TMEM232: variants seen among roughly 807,000 people sequenced by gnomAD.
TMEM232 encodes the protein transmembrane protein 232.
In TMEM232, 80 loss-of-function variants were observed where a neutral mutation model predicts 78.8. The observed-to-expected ratio is 1.01, with a 90% CI of 0.85 to 1.22. The LOEUF is 1.22. Ranked by LOEUF, TMEM232 falls within the 50% of genes most tolerant of loss-of-function variation. The pLI, the probability that TMEM232 is intolerant of heterozygous loss-of-function variation, is 0.00. For missense variants in TMEM232, 881 were observed against 742.2 expected, an observed-to-expected ratio of 1.19 and a Z score of -2.17; for synonymous variants, 297 against 254.3, an observed-to-expected ratio of 1.17 and a Z score of -1.60.
In TMEM232 at chr5:110,641,041, TTTTA is replaced by T. The variant is rs775849365; in HGVS notation, c.238-49_238-46del. ...AAAAGACAAATCAAAATGTACATAT[TTTTA>T]TATATATATTTATTTTTAACTCTTA... On this transcript the variant is annotated intron_variant, in intron 3 of 13. Transcript: ENST00000455884. The T allele has an allele frequency of 4.6e-5, 55 of 1,190,304 alleles. No homozygotes were observed. The Middle Eastern group carries it at 3.0e-3, about 65-fold the overall frequency. 73.7% of individuals were successfully genotyped at this position (1,190,304 alleles called of 1,614,324 possible).
At chr5:110,597,241 C>A (rs1345626542) in intron 10 of TMEM232, among the ~76,000 whole-genome samples, 4 of 152,144 alleles carry the variant, frequency 2.6e-5, no homozygotes, top group African/African-American at 9.7e-5. Context: ...AGAGCCAAAT[C>A]ATGAGTGAAC....
chr5:110,664,154 T>TA (rs542634117), intron 2 of TMEM232, among the ~76,000 whole-genome samples: 3 of 151,874 alleles, frequency 2.0e-5, no homozygotes, highest in East Asian at 1.9e-4. Context: ...AATAAAAATA[T>TA]AAAAAAAGGA....
At chr5:110,617,148 T>C (rs1165856895) in intron 8 of TMEM232, among the ~76,000 whole-genome samples, 1 of 152,230 alleles carries the variant, frequency 6.6e-6, no homozygotes, top group Non-Finnish European at 1.5e-5. Context: ...CGAGGCATTA[T>C]GCTAAATGAA....
intron 12 of TMEM232, among the ~76,000 whole-genome samples, chr5:110,467,956 TACATGACATTCTTCC>T (rs1437742554): frequency 6.6e-6 from 1 of 152,136 alleles, no homozygotes; most frequent in Non-Finnish European, 1.5e-5. Context: ...GATTTACCTT[TACATGACATTCTTCC>T]TGTGTGCATA....
chr5:110,712,105 C>CAAA (rs61482697), intron 1 of TMEM232, among the ~76,000 whole-genome samples: 7 of 65,396 alleles, frequency 1.1e-4, no homozygotes, highest in Non-Finnish European at 1.4e-4. Flanking sequence ...GACTCAATCT[C>CAAA]AAAAAAAAAA....
At chr5:110,606,032 A>G (rs1781503365) in intron 9 of TMEM232, 132 bp downstream of exon 9, 2 of 805,940 alleles carry the variant, frequency 2.5e-6, no homozygotes, top group African/African-American at 1.8e-5. Flanking sequence ...ATTTGCTTTT[A>G]TATTTAATTA....
intron 10 of TMEM232, among the ~76,000 whole-genome samples, chr5:110,571,201 G>A (rs776421331): frequency 2.6e-5 from 4 of 152,022 alleles, no homozygotes; most frequent in African/African-American, 4.8e-5. Flanking sequence ...CTGGAGAAGA[G>A]AGAATATCTT....
intron 13 of TMEM232, among the ~76,000 whole-genome samples, chr5:110,422,830 T>C (rs1340034227): frequency 1.3e-5 from 2 of 152,120 alleles, no homozygotes; most frequent in Non-Finnish European, 2.9e-5. Context: ...TCAATTTGGG[T>C]AAATAATTGT....
At chr5:110,709,050 G>T (rs1030551355) in intron 1 of TMEM232, among the ~76,000 whole-genome samples, 1 of 152,070 alleles carries the variant, frequency 6.6e-6, no homozygotes, top group East Asian at 1.9e-4. Context: ...GATATTCCAC[G>T]TGAATGAAAA....
intron 8 of TMEM232, among the ~76,000 whole-genome samples, chr5:110,607,246 T>C (rs1371523106): frequency 6.6e-6 from 1 of 152,032 alleles, no homozygotes; most frequent in Non-Finnish European, 1.5e-5. Context: ...CCTTTTTTCA[T>C]ACTAGAAAAC....
At chr5:110,691,931 G>C (rs75830556) in intron 1 of TMEM232, among the ~76,000 whole-genome samples, 7,894 of 152,000 alleles carry the variant, frequency 0.052, 456 homozygotes, top group East Asian at 0.26. Context: ...TTTGTTTTTT[G>C]TTTTTTTGGG....
At position 110,657,724 on chromosome 5, in the gene TMEM232, A is replaced by C. The variant is rs148392202; in HGVS notation, c.125+9504T>G. Among the ~76,000 whole-genome samples, 313 of 152,294 alleles carry C rather than the reference A, an allele frequency of 2.1e-3. 1 individual carries two copies. The highest frequency in any genetic ancestry group is 7.1e-3 in the African/African-American group (296 of 41,572). ...TAAATAACAATGTATTGAATATTTC[A>C]AGATAGCCAGAAGAAGAGATTTTGA... On this transcript the variant is annotated intron_variant, in intron 2 of 13. Coordinates refer to ENST00000455884, the MANE Select transcript of TMEM232 (RefSeq NM_001039763.4).
At chr5:110,414,707 G>A (rs966660915), downstream of TMEM232, among the ~76,000 whole-genome samples, 4 of 152,078 alleles carry the variant, frequency 2.6e-5, no homozygotes, top group African/African-American at 9.7e-5. Context: ...TAGCTGTTTT[G>A]GTTTTTATAT....
At position 110,514,907 on chromosome 5, in the gene TMEM232, T is replaced by C. The variant is rs963600648; in HGVS notation, c.1703+13681A>G. On this transcript the variant is annotated intron_variant, in intron 12 of 13. Coordinates refer to ENST00000455884, the MANE Select transcript of TMEM232 (RefSeq NM_001039763.4). ...AGGTTCAAGGCCTAGAAAAAATAAG[T>C]TCACTAATGAAAATCAAGTTCTAAA... 3.9e-5 allele frequency among the ~76,000 whole-genome samples: 6 copies of C among 152,182 alleles called. No individual in the cohort carries two copies. In the East Asian group the frequency reaches 9.6e-4, roughly 24 times the overall value.
chr5:110,480,102 T>C (rs573823891), intron 12 of TMEM232, among the ~76,000 whole-genome samples: 128 of 151,940 alleles, frequency 8.4e-4, no homozygotes, highest in African/African-American at 3.0e-3. Flanking sequence ...CTCAGTGATA[T>C]TTAAAGCTTA....
intron 12 of TMEM232, among the ~76,000 whole-genome samples, chr5:110,460,754 G>A (rs923063053): frequency 2.0e-5 from 3 of 150,846 alleles, no homozygotes; most frequent in South Asian, 2.1e-4. Flanking sequence ...CAGCATGTGC[G>A]CACTCGGTGT....
intron 12 of TMEM232, among the ~76,000 whole-genome samples, chr5:110,500,110 AGT>A (rs1035629357): frequency 6.6e-6 from 1 of 151,772 alleles, no homozygotes; most frequent in Non-Finnish European, 1.5e-5. Flanking sequence ...TGGCCGACTT[AGT>A]GAAACCCTGT....
intron 12 of TMEM232, among the ~76,000 whole-genome samples, chr5:110,477,098 T>C (rs1763336348): frequency 6.6e-6 from 1 of 152,076 alleles, no homozygotes; most frequent in South Asian, 2.1e-4. Context: ...CTGTTTCAGA[T>C]GTTAAAGAAC....
chr5:110,642,566 G>C (rs1349776156), intron 2 of TMEM232, among the ~76,000 whole-genome samples, 195 bp from the exon 3 acceptor site: 2 of 152,070 alleles, frequency 1.3e-5, no homozygotes, highest in East Asian at 1.9e-4. Context: ...CTCTTAGATT[G>C]AGAAACATAA....
Sources: gnomAD v4.1 joint callset for allele counts (sites outside exome capture counted in the v4.1 genomes callset) on GRCh38, gnomAD v4.1.1 for gene constraint, MANE v1.5 for transcripts, NCBI Gene and HGNC (gene_info 2026-07-23, HGNC 2026-07-21) for gene names.